The following APP variants were observed in gnomAD, a reference collection of about 807,000 sequenced individuals.
The protein encoded by APP is amyloid beta precursor protein.
APP carries 31 observed loss-of-function variants against 101.4 expected under a neutral mutation model. The observed-to-expected ratio is 0.31, with a 90% CI of 0.23 to 0.41. The LOEUF is 0.41. Ranked by LOEUF, APP falls within the 10% of genes least tolerant of loss-of-function variation. The pLI is 1.00. For missense variants in APP, 839 were observed against 1,003.7 expected, an observed-to-expected ratio of 0.84 and a Z score of 2.22; for synonymous variants, 366 against 364.4, an observed-to-expected ratio of 1.00 and a Z score of -0.05.
chr21:26,027,307 G>C (rs2044622979), intron 5 of APP, among the ~76,000 whole-genome samples: 2 of 152,170 alleles, frequency 1.3e-5, no homozygotes, highest in Admixed American at 1.3e-4. Flanking sequence ...AGAGTCAGAA[G>C]AGAGAGAAAA....
At chr21:25,907,261 G>A (rs2038841155) in intron 14 of APP, among the ~76,000 whole-genome samples, 1 of 152,004 alleles carries the variant, frequency 6.6e-6, no homozygotes, top group Admixed American at 6.6e-5. Flanking sequence ...ACCCTAATCT[G>A]CTTTAAAAGA....
chr21:26,008,437 T>G (rs532359945), intron 6 of APP, among the ~76,000 whole-genome samples: 24 of 152,308 alleles, frequency 1.6e-4, no homozygotes, highest in Middle Eastern at 3.4e-3. Flanking sequence ...TATCATGTCC[T>G]GTATTGGAAA....
At chr21:25,983,637 T>A (rs184954118) in intron 8 of APP, among the ~76,000 whole-genome samples, 4 of 152,336 alleles carry the variant, frequency 2.6e-5, no homozygotes, top group African/African-American at 7.2e-5. Flanking sequence ...GTATCTTTCA[T>A]TTTAAAAAGA....
At chr21:25,952,302 G>T (rs963153892) in intron 13 of APP, among the ~76,000 whole-genome samples, 2 of 151,144 alleles carry the variant, frequency 1.3e-5, no homozygotes, top group African/African-American at 4.9e-5. Context: ...CAACGTGCAG[G>T]TCTGTTACAT....
rs547289108 is a variant in APP at position 26,161,455 on chromosome 21, T to A, written c.57+9109A>T. On this transcript the variant is annotated intron_variant, in intron 1 of 17. Transcript: ENST00000346798. ...TTCCAAGTCACTTCCTTCCTCCTTT[T>A]TATTCTGTCTACCCTCTTGGGGGCA... Among the ~76,000 whole-genome samples, 9 of 152,306 alleles carry A rather than the reference T, an allele frequency of 5.9e-5. No individual in the cohort carries two copies. The East Asian group carries it at 1.5e-3, about 26-fold the overall frequency.
intron 1 of APP, among the ~76,000 whole-genome samples, chr21:26,163,505 T>C (rs1209145982): frequency 2.0e-5 from 3 of 152,194 alleles, no homozygotes; most frequent in African/African-American, 7.2e-5. Flanking sequence ...TTGTCCTATT[T>C]ATTCCTCATC....
At chr21:26,040,406 A>G (rs953585752) in intron 5 of APP, among the ~76,000 whole-genome samples, 13 of 152,166 alleles carry the variant, frequency 8.5e-5, no homozygotes, top group African/African-American at 3.1e-4. Context: ...ATTCGAGACC[A>G]GCCTGACCAA....
At chr21:26,064,591 G>A (rs1488283626) in intron 3 of APP, among the ~76,000 whole-genome samples, 1 of 151,438 alleles carries the variant, frequency 6.6e-6, no homozygotes, top group East Asian at 2.0e-4. Context: ...AGGGTAGAGA[G>A]TCCAGTGGTG....
chr21:26,101,884 T>C (rs1239750464), intron 2 of APP, among the ~76,000 whole-genome samples: 1 of 152,126 alleles, frequency 6.6e-6, no homozygotes, highest in Non-Finnish European at 1.5e-5. Flanking sequence ...AATAGATTTA[T>C]AAGGTCCTTA....
chr21:26,164,855 CAA>C (rs75432330), intron 1 of APP, among the ~76,000 whole-genome samples: 34 of 67,288 alleles, frequency 5.1e-4, no homozygotes, highest in African/African-American at 6.8e-4. Flanking sequence ...GATTCTGTCT[CAA>C]AAAAAAAAAA....
chr21:25,976,504 C>A (rs1009898124), intron 9 of APP, among the ~76,000 whole-genome samples: 3 of 152,064 alleles, frequency 2.0e-5, no homozygotes, highest in African/African-American at 7.2e-5. Flanking sequence ...TGCCAAAAAG[C>A]AGTACATAAT....
intron 8 of APP, among the ~76,000 whole-genome samples, chr21:25,986,150 C>A (rs2042628471): frequency 6.6e-6 from 1 of 152,058 alleles, no homozygotes; most frequent in Non-Finnish European, 1.5e-5. Context: ...ATGTCCTCAC[C>A]CATCAAGGTA....
At chr21:26,170,265 G>A (rs1026277592) in intron 1 of APP, among the ~76,000 whole-genome samples, 1 of 152,084 alleles carries the variant, frequency 6.6e-6, no homozygotes, top group Non-Finnish European at 1.5e-5. Flanking sequence ...TCCAAGGCAG[G>A]GACTAAGTCG....
At chr21:25,891,620 GTTT>G in intron 17 of APP, 99 bp downstream of exon 17, 2 of 1,221,258 alleles carry the variant, frequency 1.6e-6, no homozygotes, top group Non-Finnish European at 2.4e-6. Flanking sequence ...ACACTGATTC[GTTT>G]TTTAAAAGAG....
At chr21:26,149,345 A>G (rs138078750) in intron 1 of APP, among the ~76,000 whole-genome samples, 1 of 152,366 alleles carries the variant, frequency 6.6e-6, no homozygotes, top group Non-Finnish European at 1.5e-5. Flanking sequence ...AGGCTGCTGA[A>G]AAGAAAAAAT....
intron 6 of APP, among the ~76,000 whole-genome samples, chr21:26,018,630 T>C (rs2044204987): frequency 6.6e-6 from 1 of 152,178 alleles, no homozygotes; most frequent in African/African-American, 2.4e-5. Context: ...TAGGCCCCCT[T>C]TCCCAGGAAG....
chr21:26,008,285 G>A (rs989865339), intron 6 of APP, among the ~76,000 whole-genome samples: 1 of 152,198 alleles, frequency 6.6e-6, no homozygotes, highest in Non-Finnish European at 1.5e-5. Flanking sequence ...CCGTGACGGT[G>A]TTAGGGAACA....
At chr21:25,917,947 G>A (rs905335718) in intron 13 of APP, among the ~76,000 whole-genome samples, 1 of 151,726 alleles carries the variant, frequency 6.6e-6, no homozygotes, top group Admixed American at 6.6e-5. Flanking sequence ...ATCATCACTG[G>A]TCATTAGAGA....
At chr21:25,932,348 G>A (rs2040183029) in intron 13 of APP, among the ~76,000 whole-genome samples, 1 of 1,306 alleles carries the variant, frequency 7.7e-4, no homozygotes, top group African/African-American at 4.2e-3. Flanking sequence ...TGAAGTGAAG[G>A]GGTGTCATCT....
Sources: allele counts gnomAD v4.1 joint callset (sites outside exome capture counted in the v4.1 genomes callset), GRCh38; gene constraint gnomAD v4.1.1; transcripts MANE v1.5; gene names NCBI Gene and HGNC (gene_info 2026-07-23, HGNC 2026-07-21).